Variants in PHF20 observed in about 807,000 individuals in gnomAD.
PHF20 encodes PHD finger protein 20, also known as glioma-expressed antigen 2.
Under a neutral mutation model 113.5 loss-of-function variants are expected in PHF20, and 23 were observed. That is an observed-to-expected ratio of 0.20 (90% CI 0.15 to 0.29). PHF20 has a LOEUF of 0.29. Among genes scored for constraint, PHF20 ranks in the 10% least tolerant of loss-of-function variants. The pLI, the probability that PHF20 is intolerant of heterozygous loss-of-function variation, is 1.00. For missense variants in PHF20, 943 were observed against 1,219.6 expected, an observed-to-expected ratio of 0.77 and a Z score of 3.38; for synonymous variants, 434 against 457.3, an observed-to-expected ratio of 0.95 and a Z score of 0.65.
chr20:35,911,198 G>A (rs1336235792), intron 10 of PHF20, among the ~76,000 whole-genome samples: 1 of 151,948 alleles, frequency 6.6e-6, no homozygotes, highest in East Asian at 1.9e-4. Flanking sequence ...CCGCTACCAC[G>A]CCCGGCTAAT....
At chr20:35,818,745 T>C (rs991283522) in intron 2 of PHF20, among the ~76,000 whole-genome samples, 4 of 151,932 alleles carry the variant, frequency 2.6e-5, no homozygotes, top group African/African-American at 7.3e-5. Flanking sequence ...CTGTGTTGCT[T>C]AGGCTGGTCT....
chr20:35,869,940 ATC>A (rs1313740764), intron 7 of PHF20, among the ~76,000 whole-genome samples: 21 of 151,992 alleles, frequency 1.4e-4, no homozygotes, highest in Non-Finnish European at 2.8e-4. Context: ...TGGGTGGATC[ATC>A]TGAGGTCAGG....
At chr20:35,885,467 CTTTTTTTTTTTTTTTTT>C (rs577878410) in intron 9 of PHF20, among the ~76,000 whole-genome samples, 4,760 of 36,160 alleles carry the variant, frequency 0.13, 281 homozygotes, top group South Asian at 0.45. Flanking sequence ...GGGGAATAAG[CTTTTTTTTTTTTTTTTT>C]TTTTTTTTTT....
intron 16 of PHF20, among the ~76,000 whole-genome samples, chr20:35,940,202 G>A (rs1361636402): frequency 6.6e-6 from 1 of 152,104 alleles, no homozygotes; most frequent in African/African-American, 2.4e-5. Flanking sequence ...ATGAAAGGTT[G>A]AGTTACCAAA....
At chr20:35,787,129 C>T (rs1302819604) in intron 1 of PHF20, among the ~76,000 whole-genome samples, 2 of 150,912 alleles carry the variant, frequency 1.3e-5, no homozygotes, top group African/African-American at 2.4e-5. Context: ...GTAGCTAGGA[C>T]GACAGGTGTG....
intron 4 of PHF20, among the ~76,000 whole-genome samples, chr20:35,848,962 A>T (rs2042671207): frequency 1.3e-5 from 2 of 152,104 alleles, no homozygotes; most frequent in African/African-American, 2.4e-5. Flanking sequence ...GGTCATTTGC[A>T]ACGCTAATAT....
At chr20:35,920,138 T>C (rs956836970) in intron 13 of PHF20, among the ~76,000 whole-genome samples, 1 of 152,242 alleles carries the variant, frequency 6.6e-6, no homozygotes, top group African/African-American at 2.4e-5. Flanking sequence ...GTAGCCATAC[T>C]TATCCCTAAC....
intron 9 of PHF20, among the ~76,000 whole-genome samples, chr20:35,877,722 A>G (rs1022581684): frequency 1.3e-5 from 2 of 152,068 alleles, no homozygotes; most frequent in Non-Finnish European, 2.9e-5. Context: ...AAGCTGTCTC[A>G]TTGGTTGATA....
At chr20:35,901,139 GC>G (rs1437201021) in intron 10 of PHF20, among the ~76,000 whole-genome samples, 1 of 152,078 alleles carries the variant, frequency 6.6e-6, no homozygotes, top group African/African-American at 2.4e-5. Flanking sequence ...TAAAAAGCAT[GC>G]TTAGGCGGAC....
intron 2 of PHF20, among the ~76,000 whole-genome samples, chr20:35,830,096 T>C (rs1274415569): frequency 6.6e-6 from 1 of 151,972 alleles, no homozygotes. Context: ...TGTATTTTAG[T>C]AGAGACGGGG....
chr20:35,786,267 T>G (rs1282954038), intron 1 of PHF20, among the ~76,000 whole-genome samples: 1 of 151,840 alleles, frequency 6.6e-6, no homozygotes, highest in Non-Finnish European at 1.5e-5. Flanking sequence ...GGCGTGTGCC[T>G]GTAATCGCAG....
intron 17 of PHF20, among the ~76,000 whole-genome samples, chr20:35,946,329 G>A (rs906657813): frequency 6.6e-6 from 1 of 152,178 alleles, no homozygotes; most frequent in Non-Finnish European, 1.5e-5. Context: ...AGCTACTTTG[G>A]AGGCTGAGGC....
chr20:35,913,436 G>A lies in PHF20; in HGVS notation c.1660+89G>A, dbSNP rs1600925409. ...CTCCCATTATGGCCTCTGGGCCTGC[G>A]CTGAGCAGAGGAAGGACCAATAGTC... On this transcript the variant is annotated intron_variant, in intron 11 of 17. Coordinates refer to ENST00000374012, the MANE Select transcript of PHF20 (RefSeq NM_016436.5). 5 of 877,286 alleles carry A rather than the reference G, an allele frequency of 5.7e-6. No individual in the cohort carries two copies. In the East Asian group the frequency reaches 7.4e-5, roughly 13 times the overall value. 54.3% of individuals were successfully genotyped at this position (877,286 alleles called of 1,614,324 possible). A position where few individuals can be genotyped will look rare whatever the true frequency, so the allele number is the denominator to read the frequency against.
intron 1 of PHF20, among the ~76,000 whole-genome samples, chr20:35,795,860 A>AT (rs1165486993): frequency 4.7e-5 from 7 of 150,400 alleles, no homozygotes; most frequent in East Asian, 3.9e-4. Context: ...ATTATTATAA[A>AT]TTTTTTTTTT....
intron 2 of PHF20, among the ~76,000 whole-genome samples, chr20:35,821,625 C>T (rs764620741): frequency 6.6e-6 from 1 of 152,056 alleles, no homozygotes; most frequent in Non-Finnish European, 1.5e-5. Context: ...TGCCACTTCA[C>T]TCCATCCCAG....
intron 2 of PHF20, among the ~76,000 whole-genome samples, chr20:35,822,448 A>G (rs2042186542): frequency 6.6e-6 from 1 of 151,750 alleles, no homozygotes; most frequent in Non-Finnish European, 1.5e-5. Flanking sequence ...AAAAAAGTAA[A>G]GGAATTTGGG....
At position 35,950,365 on chromosome 20, in the gene PHF20, T is replaced by A. The variant is rs2056158261; in HGVS notation, c.*2738T>A. 6.6e-6 allele frequency: 1 copy of A among 152,640 alleles called. No homozygotes were observed. Among genetic ancestry groups the A allele is most frequent in the African/African-American group, 2.4e-5 (1 of 41,450 alleles). 9.5% of individuals were successfully genotyped at this position (152,640 alleles called of 1,614,324 possible). A position where few individuals can be genotyped will look rare whatever the true frequency, so the allele number is the denominator to read the frequency against. ...TTGGAAAAAATAAAACAGGTTCTTG[T>A]TGCTATGTTTCAGTTACGTATTGTT... On this transcript the variant is annotated 3_prime_UTR_variant, in exon 18 of 18. Transcript: ENST00000374012.
At chr20:35,852,291 C>A (rs953922053) in intron 4 of PHF20, among the ~76,000 whole-genome samples, 2 of 152,112 alleles carry the variant, frequency 1.3e-5, no homozygotes, top group East Asian at 1.9e-4. Context: ...TGATAGAATG[C>A]GAGAGTGGAT....
chr20:35,875,566 G>T (rs1168808691), intron 9 of PHF20, among the ~76,000 whole-genome samples: 4 of 152,102 alleles, frequency 2.6e-5, no homozygotes, highest in African/African-American at 9.7e-5. Context: ...TCCTCTTAGT[G>T]TCAGGGCTCT....
Sources: gnomAD v4.1 joint callset for allele counts (sites outside exome capture counted in the v4.1 genomes callset) on GRCh38, gnomAD v4.1.1 for gene constraint, MANE v1.5 for transcripts, NCBI Gene and HGNC (gene_info 2026-07-23, HGNC 2026-07-21) for gene names.